Variants in MCU observed in about 807,000 individuals in gnomAD.
MCU encodes calcium uniporter protein, mitochondrial.
A neutral mutation model predicts 45.2 loss-of-function variants in MCU; 12 were observed. That is an observed-to-expected ratio of 0.27 (90% CI 0.17 to 0.43). The LOEUF is 0.43. MCU is among the 20% of genes least tolerant of loss of function. The pLI is 1.00. For synonymous variants in MCU, 160 were observed against 165.1 expected, an observed-to-expected ratio of 0.97 and a Z score of 0.24; for missense variants, 324 against 436.7, an observed-to-expected ratio of 0.74 and a Z score of 2.30.
rs748512312 is a variant in MCU, at chr10:72,886,789, C to T, written c.*967C>T. The T allele has an allele frequency of 3.9e-5, 6 of 152,300 alleles. No homozygotes were observed. The highest frequency in any genetic ancestry group is 7.3e-5 in the Non-Finnish European group (5 of 68,040). 9.4% of individuals were successfully genotyped at this position (152,300 alleles called of 1,614,324 possible). ...ATTCCAGGCCAGCCAGATGGGACTG[C>T]CTTGTCTGGAGGCTTTGTTCATCTC... On this transcript the variant is annotated 3_prime_UTR_variant, in exon 8 of 8. Coordinates refer to ENST00000373053, the MANE Select transcript of MCU (RefSeq NM_138357.3).
chr10:72,755,750 C>G (rs1439638450), intron 1 of MCU, among the ~76,000 whole-genome samples: 1 of 152,014 alleles, frequency 6.6e-6, no homozygotes, highest in Non-Finnish European at 1.5e-5. Context: ...TCTCTTCAAC[C>G]CTTGTTGTTG....
intron 1 of MCU, among the ~76,000 whole-genome samples, chr10:72,747,746 G>A (rs1377506459): frequency 6.6e-6 from 1 of 152,034 alleles, no homozygotes; most frequent in East Asian, 1.9e-4. Context: ...CAGAGTGGGA[G>A]GATCACTTGA....
chr10:72,868,540 A>G, intron 4 of MCU, 163 bp from the exon 5 acceptor site: 2 of 608,912 alleles, frequency 3.3e-6, no homozygotes, highest in Non-Finnish European at 5.5e-6. Context: ...TGATAGAGTA[A>G]GACTTTGTCT....
intron 4 of MCU, among the ~76,000 whole-genome samples, chr10:72,861,935 CAGT>C (rs1246169258): frequency 6.6e-6 from 1 of 151,162 alleles, no homozygotes; most frequent in East Asian, 1.9e-4. Flanking sequence ...TGGCTCTGCA[CAGT>C]ACAATGCTAA....
intron 1 of MCU, among the ~76,000 whole-genome samples, chr10:72,732,265 T>G (rs747768517): frequency 6.6e-6 from 1 of 152,264 alleles, no homozygotes; most frequent in Non-Finnish European, 1.5e-5. Context: ...TTGGGTTGTC[T>G]TTCTGTTGTT....
chr10:72,732,337 C>T (rs999995711), intron 1 of MCU, among the ~76,000 whole-genome samples: 1 of 152,134 alleles, frequency 6.6e-6, no homozygotes, highest in Non-Finnish European at 1.5e-5. Context: ...GGCATCTATT[C>T]ATTTAGTTAA....
intron 1 of MCU, among the ~76,000 whole-genome samples, chr10:72,770,719 G>A (rs1843793435): frequency 6.6e-6 from 1 of 151,938 alleles, no homozygotes; most frequent in Non-Finnish European, 1.5e-5. Flanking sequence ...TTCAATTCAT[G>A]TTTGCCTCTA....
At chr10:72,885,274 G>A (rs1845760551) in intron 7 of MCU, among the ~76,000 whole-genome samples, 1 of 152,216 alleles carries the variant, frequency 6.6e-6, no homozygotes, top group Non-Finnish European at 1.5e-5. Flanking sequence ...GTCCAAGCAT[G>A]TGTGAGTTTT....
intron 2 of MCU, among the ~76,000 whole-genome samples, chr10:72,840,227 C>A (rs1336553403): frequency 6.6e-6 from 1 of 152,162 alleles, no homozygotes; most frequent in Non-Finnish European, 1.5e-5. Context: ...TATAGACACT[C>A]TAATGGATGT....
intron 1 of MCU, among the ~76,000 whole-genome samples, chr10:72,801,995 T>C (rs1844349779): frequency 6.6e-6 from 1 of 152,200 alleles, no homozygotes; most frequent in Non-Finnish European, 1.5e-5. Flanking sequence ...TAATTGTGTT[T>C]TTACACATTT....
chr10:72,701,234 A>G (rs1023328258), intron 1 of MCU, among the ~76,000 whole-genome samples: 3 of 152,236 alleles, frequency 2.0e-5, no homozygotes, highest in African/African-American at 7.2e-5. Context: ...AGAAGAAACC[A>G]TCTAAGACCT....
chr10:72,699,656 A>C (rs893432160), intron 1 of MCU, among the ~76,000 whole-genome samples: 54 of 146,628 alleles, frequency 3.7e-4, no homozygotes, highest in Non-Finnish European at 1.5e-4. Flanking sequence ...CAGTGGCGCT[A>C]TCTCTGCTCT....
At chr10:72,857,040 G>A (rs1845303512) in intron 2 of MCU, among the ~76,000 whole-genome samples, 1 of 151,898 alleles carries the variant, frequency 6.6e-6, no homozygotes, top group African/African-American at 2.4e-5. Flanking sequence ...TCAAACTCCT[G>A]GGCTCAAGCA....
intron 1 of MCU, among the ~76,000 whole-genome samples, chr10:72,729,435 A>C (rs1185960698): frequency 6.6e-6 from 1 of 152,194 alleles, no homozygotes; most frequent in Non-Finnish European, 1.5e-5. Context: ...GCATCACTGC[A>C]CTCCAGCCTA....
intron 1 of MCU, chr10:72,692,650 C>T: frequency 8.6e-7 from 1 of 1,167,418 alleles, no homozygotes; most frequent in Non-Finnish European, 1.1e-6. Flanking sequence ...CCCAAGGCTC[C>T]CTGAACGGAG....
intron 1 of MCU, among the ~76,000 whole-genome samples, chr10:72,771,052 A>C (rs1843799445): frequency 2.0e-5 from 3 of 152,148 alleles, no homozygotes; most frequent in Admixed American, 2.0e-4. Context: ...ATGGTTTTTA[A>C]AAAATTATTA....
At chr10:72,731,848 G>A (rs753790546) in intron 1 of MCU, among the ~76,000 whole-genome samples, 2 of 152,166 alleles carry the variant, frequency 1.3e-5, no homozygotes, top group Non-Finnish European at 2.9e-5. Flanking sequence ...CCATTCATCA[G>A]TTTATAGACA....
intron 1 of MCU, among the ~76,000 whole-genome samples, chr10:72,752,013 G>A (rs751195447): frequency 1.3e-5 from 2 of 151,274 alleles, no homozygotes; most frequent in Middle Eastern, 3.4e-3. Context: ...CCAATTTTTT[G>A]TATTTTTAAT....
intron 5 of MCU, 132 bp from the exon 6 acceptor site, chr10:72,871,245 C>T (rs1284034865): frequency 1.3e-6 from 1 of 798,230 alleles, no homozygotes; most frequent in Non-Finnish European, 2.1e-6. Context: ...TTTAGGAAGA[C>T]AAGCTATATT....
Sources: gnomAD v4.1 joint callset for allele counts (sites outside exome capture counted in the v4.1 genomes callset) on GRCh38, gnomAD v4.1.1 for gene constraint, MANE v1.5 for transcripts, NCBI Gene and HGNC (gene_info 2026-07-23, HGNC 2026-07-21) for gene names.